PPARGC1A: variants seen among roughly 807,000 people sequenced by gnomAD.
The protein encoded by PPARGC1A is PPARG coactivator 1 alpha, also known as peroxisome proliferator-activated receptor gamma coactivator 1-alpha.
A neutral mutation model predicts 88.7 loss-of-function variants in PPARGC1A; 25 were observed. That is an observed-to-expected ratio of 0.28 (90% CI 0.21 to 0.39). PPARGC1A has a LOEUF of 0.39. Ranked by LOEUF, PPARGC1A falls within the 10% of genes least tolerant of loss-of-function variation. The probability of loss-of-function intolerance (pLI) is 1.00; values close to 1 mark genes in which losing one functional copy is unlikely to be tolerated. For missense variants in PPARGC1A, 880 were observed against 968.7 expected, an observed-to-expected ratio of 0.91 and a Z score of 1.22; for synonymous variants, 363 against 355.6, an observed-to-expected ratio of 1.02 and a Z score of -0.24.
chr4:24,146,118 C>A, the PPARGC1A span, among the ~76,000 whole-genome samples: 1 of 152,194 alleles, frequency 6.6e-6, no homozygotes, highest in African/African-American at 2.4e-5. Flanking sequence ...GTCTTCTGAA[C>A]CTCCAAGATG....
At chr4:24,403,426 G>A in the PPARGC1A span, among the ~76,000 whole-genome samples, 2 of 152,188 alleles carry the variant, frequency 1.3e-5, no homozygotes, top group African/African-American at 4.8e-5. Context: ...CTGCGTACTC[G>A]CAGCCACCTT....
At chr4:24,288,383 T>C in the PPARGC1A span, among the ~76,000 whole-genome samples, 1 of 152,106 alleles carries the variant, frequency 6.6e-6, no homozygotes, top group Non-Finnish European at 1.5e-5. Flanking sequence ...GCCTAACCCA[T>C]CCCTTTACAG....
chr4:24,296,988 G>A, the PPARGC1A span, among the ~76,000 whole-genome samples: 1 of 152,202 alleles, frequency 6.6e-6, no homozygotes, highest in South Asian at 2.1e-4. Context: ...ACTGCAGCTT[G>A]ATTCAGGTAA....
the PPARGC1A span, among the ~76,000 whole-genome samples, chr4:24,011,556 A>G: frequency 1.2e-4 from 18 of 152,340 alleles, no homozygotes; most frequent in African/African-American, 4.3e-4. Context: ...GGGACCATCT[A>G]AAGGCTGCCC....
At chr4:23,953,619 T>C in the PPARGC1A span, among the ~76,000 whole-genome samples, 1 of 152,072 alleles carries the variant, frequency 6.6e-6, no homozygotes, top group Non-Finnish European at 1.5e-5. Flanking sequence ...GCGCTGAACA[T>C]TCAAAACTCA....
chr4:24,103,562 T>C, the PPARGC1A span, among the ~76,000 whole-genome samples: 6 of 150,696 alleles, frequency 4.0e-5, no homozygotes, highest in Admixed American at 1.3e-4. Flanking sequence ...CACAAAGTTG[T>C]TTTGCTTTTA....
At chr4:23,835,015 T>G (rs908278326) in intron 2 of PPARGC1A, among the ~76,000 whole-genome samples, 5 of 152,148 alleles carry the variant, frequency 3.3e-5, no homozygotes, top group Non-Finnish European at 7.4e-5. Context: ...AATTGGGCAT[T>G]TTTCCAAGTA....
At chr4:24,161,721 GAGA>G in the PPARGC1A span, among the ~76,000 whole-genome samples, 1 of 152,160 alleles carries the variant, frequency 6.6e-6, no homozygotes, top group Admixed American at 6.5e-5. Flanking sequence ...GGTAAATTCA[GAGA>G]AGGTCAGCAG....
chr4:23,916,343 A>G, the PPARGC1A span, among the ~76,000 whole-genome samples: 62 of 152,330 alleles, frequency 4.1e-4, no homozygotes, highest in African/African-American at 1.4e-3. Context: ...GAATATATTC[A>G]TCATAAGGCT....
chr4:23,860,330 G>A (rs971849076), intron 2 of PPARGC1A, among the ~76,000 whole-genome samples: 8 of 149,728 alleles, frequency 5.3e-5, no homozygotes, highest in Non-Finnish European at 8.9e-5. Context: ...GGGAGGGGAA[G>A]GTATGGAAAG....
the PPARGC1A span, among the ~76,000 whole-genome samples, chr4:24,002,373 G>A: frequency 1.3e-5 from 2 of 151,976 alleles, no homozygotes; most frequent in South Asian, 2.1e-4. Flanking sequence ...AGATCTGCCC[G>A]CCTTGGCCTC....
At chr4:24,309,501 G>C in the PPARGC1A span, among the ~76,000 whole-genome samples, 1 of 152,170 alleles carries the variant, frequency 6.6e-6, no homozygotes, top group African/African-American at 2.4e-5. Context: ...ACCATGGCAT[G>C]AAACTTAGAT....
At chr4:24,084,504 G>A in the PPARGC1A span, among the ~76,000 whole-genome samples, 1 of 152,190 alleles carries the variant, frequency 6.6e-6, no homozygotes, top group African/African-American at 2.4e-5. Context: ...AATGGGCAGA[G>A]TTTAAATCCA....
At chr4:24,340,741 G>T in the PPARGC1A span, among the ~76,000 whole-genome samples, 6 of 152,132 alleles carry the variant, frequency 3.9e-5, no homozygotes, top group African/African-American at 1.4e-4. Context: ...AGATGGGAAC[G>T]CAGTGGGCTG....
chr4:23,999,747 GGGAC>G, the PPARGC1A span, among the ~76,000 whole-genome samples: 1 of 152,130 alleles, frequency 6.6e-6, no homozygotes, highest in Non-Finnish European at 1.5e-5. Flanking sequence ...ATCTTTTCCT[GGGAC>G]CTCCTTGCAC....
chr4:23,972,332 T>C, the PPARGC1A span, among the ~76,000 whole-genome samples: 1 of 152,088 alleles, frequency 6.6e-6, no homozygotes, highest in African/African-American at 2.4e-5. Flanking sequence ...TTTCTAAAAA[T>C]AGAAAGAACA....
chr4:24,304,563 C>A, the PPARGC1A span, among the ~76,000 whole-genome samples: 1 of 152,148 alleles, frequency 6.6e-6, no homozygotes, highest in Non-Finnish European at 1.5e-5. Flanking sequence ...GATTCAAACC[C>A]AGGTGGTCTG....
the PPARGC1A span, among the ~76,000 whole-genome samples, chr4:24,126,766 T>C: frequency 6.6e-6 from 1 of 152,192 alleles, no homozygotes; most frequent in Admixed American, 6.5e-5. Flanking sequence ...TAGTAGCCAT[T>C]ACCTGTAACT....
chr4:24,186,658 A>G, the PPARGC1A span, among the ~76,000 whole-genome samples: 4 of 152,090 alleles, frequency 2.6e-5, no homozygotes, highest in Admixed American at 1.3e-4. Flanking sequence ...TTATGGCGCA[A>G]TAGTCTCCAA....
Sources: gnomAD v4.1 joint callset for allele counts (sites outside exome capture counted in the v4.1 genomes callset) on GRCh38, gnomAD v4.1.1 for gene constraint, MANE v1.5 for transcripts, NCBI Gene and HGNC (gene_info 2026-07-23, HGNC 2026-07-21) for gene names.